The following LY6S variants were observed in gnomAD, a reference collection of about 807,000 sequenced individuals.
LY6S encodes lymphocyte antigen 6 family member S.
the LY6S span, among the ~76,000 whole-genome samples, chr8:143,070,447 T>TATATATATATATATA: frequency 2.1e-4 from 6 of 28,376 alleles, no homozygotes; most frequent in African/African-American, 1.8e-3. Context: ...ATATATATTG[T>TATATATATATATATA]ATATATATAT....
the LY6S span, chr8:143,042,942 A>T: frequency 8.0e-7 from 1 of 1,246,380 alleles, no homozygotes; most frequent in East Asian, 4.7e-5. Flanking sequence ...TTAAGCAGGG[A>T]TATGTTCCCT....
At chr8:143,047,353 G>T in the LY6S span, among the ~76,000 whole-genome samples, 2 of 151,818 alleles carry the variant, frequency 1.3e-5, no homozygotes, top group African/African-American at 4.8e-5. Context: ...TACCATGTTG[G>T]CCAGTCTCAA....
the LY6S span, among the ~76,000 whole-genome samples, chr8:143,045,191 G>A: frequency 1.3e-5 from 2 of 152,040 alleles, no homozygotes; most frequent in Non-Finnish European, 2.9e-5. This position sits in a 1 kb window ranked among gnomAD's most constrained non-coding sequence, Gnocchi z 5.3. Flanking sequence ...CACGCCTTCC[G>A]AGCACACCCA....
At chr8:143,055,140 T>C in the LY6S span, among the ~76,000 whole-genome samples, 3 of 152,342 alleles carry the variant, frequency 2.0e-5, no homozygotes, top group Non-Finnish European at 4.4e-5. Flanking sequence ...CTACTCCCTT[T>C]AATAGTGCTG....
At chr8:143,049,112 G>A in the LY6S span, 222 of 528,110 alleles carry the variant, frequency 4.2e-4, no homozygotes, top group Non-Finnish European at 7.1e-4. Context: ...TGATTTCATG[G>A]GGGTTCAAGG....
At chr8:143,050,783 G>A in the LY6S span, among the ~76,000 whole-genome samples, 1 of 152,166 alleles carries the variant, frequency 6.6e-6, no homozygotes, top group African/African-American at 2.4e-5. Flanking sequence ...GCTCACGGAT[G>A]GAAGTAGTTG....
chr8:143,044,951 TG>T, the LY6S span: 12 of 736,422 alleles, frequency 1.6e-5, no homozygotes, highest in Non-Finnish European at 2.1e-5. Flanking sequence ...CCCACACACC[TG>T]CCTGCAACTG....
chr8:143,062,802 A>G, the LY6S span, among the ~76,000 whole-genome samples: 1 of 151,950 alleles, frequency 6.6e-6, no homozygotes, highest in African/African-American at 2.4e-5. Context: ...TCAAAAGGGT[A>G]TCAGGAATGA....
chr8:143,063,622 C>T, the LY6S span, among the ~76,000 whole-genome samples: 1 of 152,224 alleles, frequency 6.6e-6, no homozygotes, highest in Non-Finnish European at 1.5e-5. Flanking sequence ...GGGCTGTGTC[C>T]TTTAAATTAG....
chr8:143,046,820 C>T, the LY6S span, among the ~76,000 whole-genome samples: 12 of 151,534 alleles, frequency 7.9e-5, no homozygotes, highest in South Asian at 2.1e-4. Context: ...GTCAACATGA[C>T]GAAACCCTGT....
chr8:143,068,977 G>A, the LY6S span, among the ~76,000 whole-genome samples: 2 of 152,146 alleles, frequency 1.3e-5, no homozygotes, highest in African/African-American at 4.8e-5. Flanking sequence ...AGTTGGAAAC[G>A]AAAGTTGACC....
the LY6S span, among the ~76,000 whole-genome samples, chr8:143,058,868 C>T: frequency 2.6e-5 from 4 of 152,222 alleles, no homozygotes; most frequent in Non-Finnish European, 5.9e-5. Context: ...ACAGAGGGCT[C>T]GCACTCTTGT....
chr8:143,058,841 G>A, the LY6S span, among the ~76,000 whole-genome samples: 1 of 152,346 alleles, frequency 6.6e-6, no homozygotes, highest in Middle Eastern at 3.4e-3. Context: ...GCCCTCTGGT[G>A]GCCCTGTCCG....
At chr8:143,070,420 A>T in the LY6S span, among the ~76,000 whole-genome samples, 994 of 96,710 alleles carry the variant, frequency 0.01, 52 homozygotes, top group African/African-American at 0.054. Context: ...ATGTATATAT[A>T]TTTATATATA....
the LY6S span, among the ~76,000 whole-genome samples, chr8:143,052,977 C>T: frequency 6.6e-6 from 1 of 152,206 alleles, no homozygotes; most frequent in African/African-American, 2.4e-5. Flanking sequence ...CCAGGTACGG[C>T]TGGCTGTCCA....
At chr8:143,050,103 C>T in the LY6S span, among the ~76,000 whole-genome samples, 1 of 151,916 alleles carries the variant, frequency 6.6e-6, no homozygotes, top group East Asian at 1.9e-4. Flanking sequence ...GGACTCTGCG[C>T]CCTGCAGGTG....
the LY6S span, among the ~76,000 whole-genome samples, chr8:143,046,577 CAAAA>C: frequency 2.6e-5 from 2 of 76,024 alleles, no homozygotes; most frequent in East Asian, 3.7e-4. Flanking sequence ...GACTCCAGCT[CAAAA>C]AAAAAAAAAA....
At chr8:143,073,433 CGGGGTT>C in the LY6S span, among the ~76,000 whole-genome samples, 1 of 142,718 alleles carries the variant, frequency 7.0e-6, no homozygotes, top group African/African-American at 2.7e-5. Flanking sequence ...CCGTCGTCCT[CGGGGTT>C]CCTGTTTGAG....
the LY6S span, chr8:143,049,120 A>C: frequency 1.9e-6 from 1 of 532,212 alleles, no homozygotes; most frequent in Non-Finnish European, 3.9e-6. Flanking sequence ...TGGGGGTTCA[A>C]GGGGATGTCC....
Sources: gnomAD v4.1 joint callset for allele counts (sites outside exome capture counted in the v4.1 genomes callset) on GRCh38, gnomAD v4.1.1 for gene constraint, Gnocchi (gnomAD v3.1) non-coding constraint, MANE v1.5 for transcripts, NCBI Gene and HGNC (gene_info 2026-07-23, HGNC 2026-07-21) for gene names.